FRMPD4: variants seen among roughly 807,000 people sequenced by gnomAD.
FRMPD4 encodes the protein FERM and PDZ domain containing 4.
In FRMPD4, 22 loss-of-function variants were observed where a neutral mutation model predicts 94.1. The ratio of observed to expected loss-of-function variants is 0.23; its 90% CI spans 0.17 to 0.33. The LOEUF (loss-of-function observed/expected upper bound fraction) is 0.33. Ranked by LOEUF, FRMPD4 falls within the 10% of genes least tolerant of loss-of-function variation. The pLI is 1.00. For missense variants in FRMPD4, 1,111 were observed against 1,339.9 expected (o/e 0.83, Z 2.67); for synonymous variants, 631 against 548.6 (o/e 1.15, Z -2.10).
At chrX:12,630,242 T>G (rs541721389) in intron 4 of FRMPD4, among the ~76,000 whole-genome samples, 3 of 112,874 alleles carry the variant, frequency 2.7e-5, no homozygotes, top group African/African-American at 6.4e-5. Context: ...AAGGCCCAGA[T>G]AGTAAATATT....
chrX:12,202,930 G>A (rs1029968327), intron 1 of FRMPD4, among the ~76,000 whole-genome samples: 2 of 112,071 alleles, frequency 1.8e-5, no homozygotes, highest in Non-Finnish European at 3.8e-5. Context: ...TATTGATCTA[G>A]GATTCTTCTC....
At chrX:12,487,945 G>A (rs1602014776) in intron 1 of FRMPD4, among the ~76,000 whole-genome samples, 2 of 111,930 alleles carry the variant, frequency 1.8e-5, no homozygotes, top group Middle Eastern at 9.2e-3. Context: ...TAAAAATAAA[G>A]TACACTAGGT....
chrX:11,867,175 T>C (rs182512725), intron 2 of FRMPD4, among the ~76,000 whole-genome samples: 278 of 111,843 alleles, frequency 2.5e-3, no homozygotes, highest in Non-Finnish European at 3.4e-3. Flanking sequence ...TGAATCATGA[T>C]ATGAAATCTG....
intron 3 of FRMPD4, among the ~76,000 whole-genome samples, chrX:12,102,837 G>C (rs1409100585): frequency 3.7e-5 from 4 of 109,483 alleles, no homozygotes; most frequent in Non-Finnish European, 7.6e-5. Context: ...GCTCTAAAGG[G>C]TAACTTCATA....
At chrX:12,264,496 C>T (rs1207669065) in intron 1 of FRMPD4, among the ~76,000 whole-genome samples, 3 of 111,900 alleles carry the variant, frequency 2.7e-5, no homozygotes, top group Non-Finnish European at 5.6e-5. Context: ...TTTCTGCAAA[C>T]ATTTTATTAT....
intron 1 of FRMPD4, among the ~76,000 whole-genome samples, chrX:12,418,083 G>A (rs1029940425): frequency 3.7e-5 from 4 of 109,363 alleles, no homozygotes; most frequent in African/African-American, 1.3e-4. Flanking sequence ...CATGGGGCTC[G>A]TGACACCGAA....
At position 12,410,453 on chromosome X, in the gene FRMPD4, G is replaced by C. The variant is rs765319336; in HGVS notation, c.42-88227G>C. Among the ~76,000 whole-genome samples, 3 of 110,931 alleles carry C rather than the reference G, an allele frequency of 2.7e-5. No individual in the cohort carries two copies. The South Asian group carries it at 1.1e-3, about 42-fold the overall frequency. ...ACTGCCACCTCATGCTCCATGGTGT[G>C]CTGCAAACTTGGTTTCTGAGAGATA... is the stretch of plus-strand genomic sequence containing the variant. On this transcript the variant is annotated intron_variant, in intron 1 of 16. Coordinates refer to ENST00000675598, the MANE Select transcript of FRMPD4 (RefSeq NM_001368397.1).
intron 1 of FRMPD4, among the ~76,000 whole-genome samples, chrX:12,252,966 C>T (rs1027437089): frequency 1.8e-5 from 2 of 111,540 alleles, no homozygotes; most frequent in Non-Finnish European, 3.8e-5. Context: ...GGCTTGGGAC[C>T]ACCAGGTCTT....
At chrX:12,517,166 G>A (rs55981907) in intron 2 of FRMPD4, among the ~76,000 whole-genome samples, 4,623 of 110,620 alleles carry the variant, frequency 0.042, 113 homozygotes, top group Non-Finnish European at 0.065. Flanking sequence ...CTTTAGCTCA[G>A]CAAAGTTCGT....
intron 1 of FRMPD4, among the ~76,000 whole-genome samples, chrX:12,156,990 T>G (rs1413732092): frequency 8.9e-6 from 1 of 111,812 alleles, no homozygotes; most frequent in Non-Finnish European, 1.9e-5. Flanking sequence ...TGGGCAGGTA[T>G]AGATGCTCAC....
rs1451009148 is a variant in FRMPD4, at chrX:12,067,015, G to A, written c.95+188997G>A. On this transcript the variant is annotated intron_variant, in intron 3 of 18. Transcript: ENST00000640291. ...CTCCCAAGTAGCTGGGACTACAAGC[G>A]TGCACCACCATGCCCAGCTAGTTTT... Among the ~76,000 whole-genome samples, 7 of 109,351 alleles carry A rather than the reference G, an allele frequency of 6.4e-5. No individual in the cohort carries two copies. The Admixed American group carries it at 6.9e-4, about 11-fold the overall frequency. The allele number at this position is 109,351 out of a possible 115,157, so 95.0% of individuals were successfully genotyped here.
chrX:12,049,524 T>C (rs2054804838), intron 3 of FRMPD4, among the ~76,000 whole-genome samples: 1 of 111,712 alleles, frequency 9.0e-6, no homozygotes, highest in Admixed American at 9.5e-5. Context: ...CATACTGATG[T>C]TGAAGTCAAT....
intron 3 of FRMPD4, among the ~76,000 whole-genome samples, chrX:11,902,502 C>T (rs1443252901): frequency 8.9e-6 from 1 of 111,752 alleles, no homozygotes; most frequent in African/African-American, 3.3e-5. Context: ...TATAAGGATG[C>T]TAATTCCATC....
chrX:12,688,019 G>T (rs764297467), intron 7 of FRMPD4, among the ~76,000 whole-genome samples: 1 of 112,150 alleles, frequency 8.9e-6, no homozygotes, highest in African/African-American at 3.2e-5. Context: ...TATCAGACAG[G>T]ACAGTCCAAG....
chrX:12,173,501 G>A (rs919841319), intron 1 of FRMPD4, among the ~76,000 whole-genome samples: 3 of 112,366 alleles, frequency 2.7e-5, no homozygotes, highest in Non-Finnish European at 5.6e-5. Context: ...AAGGTCATCT[G>A]AAGTATGAAC....
intron 1 of FRMPD4, among the ~76,000 whole-genome samples, chrX:12,142,827 C>T (rs1188983627): frequency 9.0e-6 from 1 of 111,572 alleles, no homozygotes; most frequent in African/African-American, 3.3e-5. Context: ...TGAGTTTCAC[C>T]TTCTTGCTAT....
At chrX:12,284,492 A>G (rs1301959374) in intron 1 of FRMPD4, among the ~76,000 whole-genome samples, 1 of 111,663 alleles carries the variant, frequency 9.0e-6, no homozygotes, top group Non-Finnish European at 1.9e-5. Context: ...AGACAAGAAC[A>G]TGCCTTCCCA....
At chrX:12,039,989 A>G (rs866035263) in intron 3 of FRMPD4, among the ~76,000 whole-genome samples, 1 of 95,315 alleles carries the variant, frequency 1.0e-5, no homozygotes. Flanking sequence ...AAAAAAGAAA[A>G]AAAAAGAAAA....
intron 2 of FRMPD4, among the ~76,000 whole-genome samples, chrX:12,528,452 C>A (rs2148285036): frequency 9.2e-6 from 1 of 108,116 alleles, no homozygotes; most frequent in African/African-American, 3.4e-5. Context: ...TCCCAAGTAA[C>A]TGGGACTACT....
Sources: gnomAD v4.1 joint callset for allele counts (sites outside exome capture counted in the v4.1 genomes callset) on GRCh38, gnomAD v4.1.1 for gene constraint, MANE v1.5 for transcripts, NCBI Gene and HGNC (gene_info 2026-07-23, HGNC 2026-07-21) for gene names.